TRHDE: variants seen among roughly 807,000 people sequenced by gnomAD.
The protein encoded by TRHDE is thyrotropin releasing hormone degrading enzyme.
In TRHDE, 72 loss-of-function variants were observed where a neutral mutation model predicts 125.7. The ratio of observed to expected loss-of-function variants is 0.57; its 90% CI spans 0.47 to 0.70. The LOEUF (loss-of-function observed/expected upper bound fraction) is 0.70, where lower values mean the gene tolerates loss of function less well. TRHDE is among the 30% of genes least tolerant of loss of function. The probability of loss-of-function intolerance (pLI) is 0.00; values close to 1 mark genes in which losing one functional copy is unlikely to be tolerated. For missense variants in TRHDE, 1,110 were observed against 1,327.1 expected, an observed-to-expected ratio of 0.84 and a Z score of 2.54; for synonymous variants, 509 against 509.1, an observed-to-expected ratio of 1.00 and a Z score of 0.00.
chr12:72,229,638 A>C (rs1878208203), intron 2 of TRHDE, among the ~76,000 whole-genome samples: 1 of 152,228 alleles, frequency 6.6e-6, no homozygotes, highest in African/African-American at 2.4e-5. Context: ...AGTAGATGTA[A>C]TATATCTGGA....
intron 2 of TRHDE, among the ~76,000 whole-genome samples, chr12:72,260,069 C>G (rs1211096233): frequency 6.6e-6 from 1 of 152,140 alleles, no homozygotes; most frequent in Non-Finnish European, 1.5e-5. Context: ...TCTATATATG[C>G]ACGTTGCTGT....
Position 72,663,101 on chromosome 12 carries a change from C to T in TRHDE, c.3116C>T (p.Ser1039Leu), listed in dbSNP as rs1874980998. The T allele has an allele frequency of 6.2e-7, 1 of 1,613,020 alleles. No homozygotes were observed. The highest frequency in any genetic ancestry group is 8.5e-7 in the Non-Finnish European group (1 of 1,179,508). ...NYDGVAAASF[S>L]RAVETVEANV... ...GATGGGGTAGCTGCTGCTTCTTTCT[C>T]ACGAGCTGTGGAAACTGTCGAAGCC... The change falls in exon 19 of 19, where the codon TCA (serine) becomes TTA (leucine). Residue 1039 changes from serine to leucine, a missense_variant. Physicochemically the swap from Ser to Leu is moderately radical, Grantham distance 145 (BLOSUM62 -2). This residue lies in a region of TRHDE where 527 missense variants were observed against 651.8 expected (regional missense o/e 0.81). Transcript: ENST00000261180.
At chr12:72,630,857 A>C (rs892364854) in intron 15 of TRHDE, among the ~76,000 whole-genome samples, 1 of 149,816 alleles carries the variant, frequency 6.7e-6, no homozygotes, top group Non-Finnish European at 1.5e-5. Flanking sequence ...AAATAGAATA[A>C]TATATGGAAA....
chr12:72,522,117 A>C (rs956026125), intron 6 of TRHDE, among the ~76,000 whole-genome samples: 1 of 152,168 alleles, frequency 6.6e-6, no homozygotes, highest in Non-Finnish European at 1.5e-5. Context: ...AGATGAGGAC[A>C]CTGAGGCAGT....
At chr12:72,138,863 A>G (rs1876049867) in intron 2 of TRHDE, among the ~76,000 whole-genome samples, 1 of 152,238 alleles carries the variant, frequency 6.6e-6, no homozygotes, top group Admixed American at 6.5e-5. Context: ...ATGGTCCCGA[A>G]ACAGAGGGAG....
chr12:72,133,243 T>C (rs1194682555), intron 2 of TRHDE, among the ~76,000 whole-genome samples: 1 of 152,212 alleles, frequency 6.6e-6, no homozygotes, highest in Non-Finnish European at 1.5e-5. Flanking sequence ...AATGCCATCA[T>C]CCAGACAAAA....
In TRHDE at chr12:72,380,419, G is replaced by C. The variant is rs77316613; in HGVS notation, c.1315+2298G>C. Among the ~76,000 whole-genome samples the C allele has an allele frequency of 4.3e-3, 652 of 152,276 alleles. 2 individuals carry two copies. Among genetic ancestry groups the C allele is most frequent in the African/African-American group, 0.015 (608 of 41,544 alleles). On this transcript the variant is annotated intron_variant, in intron 3 of 18. Transcript: ENST00000261180. ...GAAGTGTGGGGGACAGATGGGGCAT[G>C]GGATAGGGGCTGAGTTTTTAAAATG...
At chr12:72,148,085 CA>C (rs1388168059) in intron 2 of TRHDE, among the ~76,000 whole-genome samples, 8 of 152,170 alleles carry the variant, frequency 5.3e-5, no homozygotes, top group Non-Finnish European at 1.0e-4. Context: ...ATGAGCAGAA[CA>C]AATATTTGTA....
chr12:72,624,596 C>G (rs1349477275), intron 15 of TRHDE, among the ~76,000 whole-genome samples: 1 of 151,602 alleles, frequency 6.6e-6, no homozygotes, highest in Non-Finnish European at 1.5e-5. Flanking sequence ...ATAATGGGAC[C>G]AAAAAGTACA....
At chr12:72,257,764 C>G (rs1188405999) in intron 2 of TRHDE, 1 of 152,120 alleles carries the variant, frequency 6.6e-6, no homozygotes, top group African/African-American at 2.4e-5. Context: ...CTGACAAGTG[C>G]TGTTTAGAGT....
At chr12:72,381,239 G>A (rs186783450) in intron 3 of TRHDE, among the ~76,000 whole-genome samples, 1 of 152,240 alleles carries the variant, frequency 6.6e-6, no homozygotes, top group East Asian at 1.9e-4. Context: ...AAGGTTGAAA[G>A]AACCTGATGT....
chr12:72,399,375 A>G lies in TRHDE; in HGVS notation c.1315+21254A>G, dbSNP rs537264861. 2.6e-5 allele frequency among the ~76,000 whole-genome samples: 4 copies of G among 152,274 alleles called. No individual in the cohort carries two copies. In the South Asian group the frequency reaches 8.3e-4, roughly 32 times the overall value. ...ATCAATTTTTATTTGGAAAGTACTA[A>G]CCATTTTATCCAGCAAGTGGGTCAT... On this transcript the variant is annotated intron_variant, in intron 3 of 18. Coordinates refer to ENST00000261180, the MANE Select transcript of TRHDE (RefSeq NM_013381.3).
chr12:72,187,050 T>G (rs1177939224), intron 2 of TRHDE, among the ~76,000 whole-genome samples: 1 of 152,178 alleles, frequency 6.6e-6, no homozygotes, highest in Non-Finnish European at 1.5e-5. Flanking sequence ...TATATCATCA[T>G]GTACTAAGTA....
At chr12:72,200,001 A>G (rs1394990647) in intron 2 of TRHDE, among the ~76,000 whole-genome samples, 2 of 152,162 alleles carry the variant, frequency 1.3e-5, no homozygotes, top group Non-Finnish European at 2.9e-5. Context: ...GCATGTGTAA[A>G]TATTTTAGTG....
chr12:72,462,356 T>C (rs913057733), intron 3 of TRHDE, among the ~76,000 whole-genome samples: 12 of 152,124 alleles, frequency 7.9e-5, no homozygotes, highest in African/African-American at 2.7e-4. Flanking sequence ...ATACTTTGCA[T>C]AGGAGTAGAG....
intron 2 of TRHDE, among the ~76,000 whole-genome samples, chr12:72,370,219 G>C (rs1351623959): frequency 6.6e-6 from 1 of 152,122 alleles, no homozygotes; most frequent in Non-Finnish European, 1.5e-5. Context: ...GGTAACTAAA[G>C]GACATGTTCA....
intron 2 of TRHDE, among the ~76,000 whole-genome samples, chr12:72,312,005 T>G (rs763643734): frequency 6.6e-6 from 1 of 152,182 alleles, no homozygotes; most frequent in Non-Finnish European, 1.5e-5. Flanking sequence ...GGAAGCAAAG[T>G]GAACAAACAC....
intron 2 of TRHDE, among the ~76,000 whole-genome samples, chr12:72,155,131 C>A (rs1356402449): frequency 6.6e-6 from 1 of 152,190 alleles, no homozygotes; most frequent in Admixed American, 6.5e-5. Context: ...CTTCTCACTT[C>A]ATTTCATTCA....
intron 2 of TRHDE, among the ~76,000 whole-genome samples, chr12:72,184,890 C>A (rs1820232726): frequency 6.6e-6 from 1 of 152,182 alleles, no homozygotes; most frequent in African/African-American, 2.4e-5. Context: ...GTCCTCAGAG[C>A]CCTCGCTTGC....
Sources: allele counts gnomAD v4.1 joint callset (sites outside exome capture counted in the v4.1 genomes callset), GRCh38; gene constraint gnomAD v4.1.1; regional missense constraint gnomAD v4.1.1; transcripts MANE v1.5; gene names NCBI Gene and HGNC (gene_info 2026-07-23, HGNC 2026-07-21).